The following PPM1E variants were observed in gnomAD, a reference collection of about 807,000 sequenced individuals.
PPM1E encodes the protein protein phosphatase 1E.
Under a neutral mutation model 65.9 loss-of-function variants are expected in PPM1E, and 20 were observed. The observed-to-expected ratio is 0.30, with a 90% CI of 0.21 to 0.44. The LOEUF (loss-of-function observed/expected upper bound fraction) is 0.44, where lower values mean the gene tolerates loss of function less well. PPM1E is among the 20% of genes least tolerant of loss of function. The pLI is 1.00. For synonymous variants in PPM1E, 352 were observed against 374.9 expected (o/e 0.94, Z 0.70); for missense variants, 713 against 953.1 (o/e 0.75, Z 3.32).
At chr17:58,779,997 A>G (rs1417230442) in intron 1 of PPM1E, among the ~76,000 whole-genome samples, 1 of 152,188 alleles carries the variant, frequency 6.6e-6, no homozygotes, top group African/African-American at 2.4e-5. Context: ...TTATTAATGA[A>G]GATTGTGATG....
At position 58,942,209 on chromosome 17, in the gene PPM1E, G is replaced by C. The variant is rs150682152; in HGVS notation, c.465-13440G>C. ...GAGACTAGCCTGGGCAACATAGTGA[G>C]ACTATGTCTCTAAAAAACAAAAAAC... On this transcript the variant is annotated intron_variant, in intron 1 of 6. Transcript: ENST00000308249. Among the ~76,000 whole-genome samples, 9 of 151,980 alleles carry C rather than the reference G, an allele frequency of 5.9e-5. No homozygotes were observed. In the East Asian group the frequency reaches 1.7e-3, roughly 29 times the overall value.
chr17:58,934,012 G>A (rs985150364), intron 1 of PPM1E, among the ~76,000 whole-genome samples: 1 of 147,630 alleles, frequency 6.8e-6, no homozygotes, highest in Admixed American at 6.9e-5. Flanking sequence ...GGAGAATCAA[G>A]TGCAACCAGA....
At chr17:58,886,342 A>C (rs2051265160) in intron 1 of PPM1E, among the ~76,000 whole-genome samples, 2 of 152,210 alleles carry the variant, frequency 1.3e-5, no homozygotes, top group Non-Finnish European at 2.9e-5. Context: ...TCCCTAGTAC[A>C]CCTGGAAAAA....
chr17:58,814,148 C>T (rs2050394264), intron 1 of PPM1E, among the ~76,000 whole-genome samples: 1 of 152,078 alleles, frequency 6.6e-6, no homozygotes, highest in Non-Finnish European at 1.5e-5. Context: ...ATTAGGAAAT[C>T]AGAGAAGATG....
chr17:58,934,568 T>A (rs2051950825), intron 1 of PPM1E, among the ~76,000 whole-genome samples: 1 of 152,132 alleles, frequency 6.6e-6, no homozygotes, highest in Non-Finnish European at 1.5e-5. Flanking sequence ...GCACTAGACA[T>A]CAAAAAGAGA....
intron 1 of PPM1E, chr17:58,951,374 T>A (rs2052236219): frequency 6.6e-6 from 1 of 152,162 alleles, no homozygotes; most frequent in African/African-American, 2.4e-5. Context: ...ATGAACCAGC[T>A]CAGGTCAGAA....
chr17:58,878,799 G>A (rs1262702583), intron 1 of PPM1E, among the ~76,000 whole-genome samples: 2 of 151,214 alleles, frequency 1.3e-5, no homozygotes, highest in Non-Finnish European at 2.9e-5. Flanking sequence ...GGGCGTGGTG[G>A]TGCATTGCCT....
intron 1 of PPM1E, among the ~76,000 whole-genome samples, chr17:58,846,778 A>G (rs538161793): frequency 6.6e-6 from 1 of 152,300 alleles, no homozygotes; most frequent in Non-Finnish European, 1.5e-5. Flanking sequence ...TCCTTTGGGT[A>G]TATGCCCAGT....
chr17:58,960,368 A>C (rs551365574), intron 2 of PPM1E, among the ~76,000 whole-genome samples: 1 of 152,338 alleles, frequency 6.6e-6, no homozygotes, highest in Non-Finnish European at 1.5e-5. Flanking sequence ...ACTTTTGGCC[A>C]AAGGAATGGG....
At chr17:58,815,954 A>G (rs1479332730) in intron 1 of PPM1E, among the ~76,000 whole-genome samples, 2 of 152,216 alleles carry the variant, frequency 1.3e-5, no homozygotes, top group Admixed American at 6.5e-5. Flanking sequence ...GATAAAAAAT[A>G]TTGATAAAAT....
chr17:58,927,420 G>A (rs548880126), intron 1 of PPM1E, among the ~76,000 whole-genome samples: 75 of 151,944 alleles, frequency 4.9e-4, no homozygotes, highest in African/African-American at 1.7e-3. Context: ...ATGAGCCACC[G>A]CACCCAGCCG....
At chr17:58,792,203 CAT>C (rs2050162952) in intron 1 of PPM1E, among the ~76,000 whole-genome samples, 1 of 150,496 alleles carries the variant, frequency 6.6e-6, no homozygotes, top group African/African-American at 2.4e-5. Context: ...GTTCCCAGGA[CAT>C]GACTTTTGTC....
At chr17:58,922,273 T>C (rs1281345207) in intron 1 of PPM1E, among the ~76,000 whole-genome samples, 1 of 151,894 alleles carries the variant, frequency 6.6e-6, no homozygotes, top group African/African-American at 2.4e-5. Context: ...ATGTTTGAGT[T>C]TTACTTTGGT....
At chr17:58,892,377 C>T (rs1324322357) in intron 1 of PPM1E, among the ~76,000 whole-genome samples, 1 of 151,968 alleles carries the variant, frequency 6.6e-6, no homozygotes, top group East Asian at 1.9e-4. Context: ...AGTTTGAGAC[C>T]AGCTGGGCAA....
intron 1 of PPM1E, among the ~76,000 whole-genome samples, chr17:58,837,005 G>A (rs1413140774): frequency 2.9e-5 from 4 of 137,878 alleles, no homozygotes; most frequent in Non-Finnish European, 4.7e-5. Context: ...GGGCGACAGA[G>A]CGAAACTCCG....
At chr17:58,924,902 T>C (rs2051805278) in intron 1 of PPM1E, among the ~76,000 whole-genome samples, 1 of 152,162 alleles carries the variant, frequency 6.6e-6, no homozygotes, top group Non-Finnish European at 1.5e-5. Context: ...GCAAAGAACA[T>C]GATCTCATTC....
chr17:58,852,143 G>C (rs1442033990), intron 1 of PPM1E, among the ~76,000 whole-genome samples: 1 of 152,124 alleles, frequency 6.6e-6, no homozygotes, highest in African/African-American at 2.4e-5. Flanking sequence ...GCAGTATTAG[G>C]GTGGGAGTGA....
At position 58,984,767 on chromosome 17, in the gene PPM1E, C is replaced by A. The variant is rs2031641580; in HGVS notation, c.*3736C>A. On this transcript the variant is annotated 3_prime_UTR_variant, in exon 7 of 7. Transcript: ENST00000308249. Reference sequence around the variant, plus strand: ...AAATAACTGTTACTTCTTAAAGCAGCATTTTATCTTCTATTTTGAAGACTA... The same window carrying A: ...AAATAACTGTTACTTCTTAAAGCAGAATTTTATCTTCTATTTTGAAGACTA... 6.6e-6 allele frequency: 1 copy of A among 152,422 alleles called. No homozygotes were observed. Among genetic ancestry groups the A allele is most frequent in the African/African-American group, 2.4e-5 (1 of 41,442 alleles). The allele number at this position is 152,422 out of a possible 1,614,324, so 9.4% of individuals were successfully genotyped here. A position where few individuals can be genotyped will look rare whatever the true frequency, so the allele number is the denominator to read the frequency against.
At chr17:58,930,245 G>GTATA (rs67876600) in intron 1 of PPM1E, among the ~76,000 whole-genome samples, 8 of 143,958 alleles carry the variant, frequency 5.6e-5, no homozygotes, top group Non-Finnish European at 9.1e-5. Context: ...TAAATTAAAT[G>GTATA]TATATACACA....
Sources: gnomAD v4.1 joint callset for allele counts (sites outside exome capture counted in the v4.1 genomes callset) on GRCh38, gnomAD v4.1.1 for gene constraint, MANE v1.5 for transcripts, NCBI Gene and HGNC (gene_info 2026-07-23, HGNC 2026-07-21) for gene names.